The following PCDHGB3 variants were observed in gnomAD, a reference collection of about 807,000 sequenced individuals.
The protein encoded by PCDHGB3 is protocadherin gamma-B3.
Under a neutral mutation model 59.2 loss-of-function variants are expected in PCDHGB3, and 40 were observed. The ratio of observed to expected loss-of-function variants is 0.68; its 90% CI spans 0.52 to 0.88. The LOEUF is 0.88. Among genes scored for constraint, PCDHGB3 ranks in the 40% least tolerant of loss-of-function variants. The pLI, the probability that PCDHGB3 is intolerant of heterozygous loss-of-function variation, is 0.00. For synonymous variants in PCDHGB3, 581 were observed against 503.6 expected (o/e 1.15, Z -2.06); for missense variants, 1,309 against 1,187.9 (o/e 1.10, Z -1.50).
chr5:141,505,468 G>A lies in PCDHGB3; in HGVS notation c.2550G>A (p.Leu850=). 1 of 1,614,212 alleles carries A rather than the reference G, an allele frequency of 6.2e-7. No homozygotes were observed. Among genetic ancestry groups the A allele is most frequent in the Non-Finnish European group, 8.5e-7 (1 of 1,180,020 alleles). The change falls in exon 3 of 4, where the codon TTG becomes TTA. Residue 850 remains leucine (L), a synonymous_variant. Coordinates refer to ENST00000576222, the MANE Select transcript of PCDHGB3 (RefSeq NM_018924.5). The stretch of plus-strand genomic sequence containing the variant: ...CAGAGATGCTGCAAGCCATGATCTT[G>A]GCGTCCGCCAGTGGTAAGTGGTGTC... The part of the protein sequence containing the change: ...FDTEMLQAMI[L]ASASEAADGS...
At chr5:141,413,570 A>C in intron 1 of PCDHGB3, 1 of 1,613,930 alleles carries the variant, frequency 6.2e-7, no homozygotes. Context: ...GATATCAATG[A>C]CAATGCTCCA....
intron 1 of PCDHGB3, among the ~76,000 whole-genome samples, chr5:141,397,268 T>C (rs532503951): frequency 2.0e-5 from 3 of 152,180 alleles, no homozygotes; most frequent in African/African-American, 7.2e-5. Flanking sequence ...CTTAGCTACA[T>C]CATATGGGCA....
Position 141,477,809 on chromosome 5 carries a change from C to A in PCDHGB3, c.2416-16998C>A. 1 of 1,614,146 alleles carries A rather than the reference C, an allele frequency of 6.2e-7. No individual in the cohort carries two copies. Among genetic ancestry groups the A allele is most frequent in the Non-Finnish European group, 8.5e-7 (1 of 1,180,040 alleles). On this transcript the variant is annotated intron_variant, in intron 1 of 3. Coordinates refer to ENST00000576222, the MANE Select transcript of PCDHGB3 (RefSeq NM_018924.5). The surrounding 1 kb of genome is among the most constrained non-coding windows in gnomAD (Gnocchi z 4.9). ...TGTCACTGATCGCAATGACAATGCC[C>A]CCCAGGTCCTATATCCTCGGCCAGG...
At position 141,370,902 on chromosome 5, in the gene PCDHGB3, T is replaced by A; in HGVS notation, c.508T>A (p.Tyr170Asn). The stretch of plus-strand genomic sequence containing the variant: ...TGTAGGTGTCAATTCGCTGCAGCAG[T>A]ACTACCTCAGCCCTGATCCGCACTT... Reference protein sequence around the residue: ...PDVGVNSLQQYYLSPDPHFSL... With the variant: ...PDVGVNSLQQNYLSPDPHFSL... Residue 170 changes from tyrosine to asparagine, a missense_variant, in exon 1 of 4, where the codon TAC (tyrosine) becomes AAC (asparagine). Tyr to Asn is a moderately radical substitution (Grantham distance 143). Coordinates refer to ENST00000576222, the MANE Select transcript of PCDHGB3 (RefSeq NM_018924.5). The A allele has an allele frequency of 6.2e-7, 1 of 1,614,046 alleles. No individual in the cohort carries two copies. Among genetic ancestry groups the A allele is most frequent in the South Asian group, 1.1e-5 (1 of 91,088 alleles).
In PCDHGB3 at chr5:141,489,184, G is replaced by T; in HGVS notation, c.2416-5623G>T. ...TCAGCTGCTGCATTCCAAGCCCTGG[G>T]TCTACCTTGGAGACAGGACAGCACA... On this transcript the variant is annotated intron_variant, in intron 1 of 3. Transcript: ENST00000576222. This position sits in a 1 kb window ranked among gnomAD's most constrained non-coding sequence, Gnocchi z 4.5. 7.8e-7 allele frequency: 1 copy of T among 1,287,330 alleles called. No homozygotes were observed. Among genetic ancestry groups the T allele is most frequent in the Non-Finnish European group, 1.1e-6 (1 of 928,816 alleles). 79.7% of individuals were successfully genotyped at this position (1,287,330 alleles called of 1,614,324 possible).
intron 1 of PCDHGB3, chr5:141,388,233 T>C (rs924261107): frequency 1.2e-6 from 2 of 1,608,114 alleles, no homozygotes; most frequent in South Asian, 1.1e-5. Flanking sequence ...ACTGAACTTT[T>C]ATCACGTGAA....
chr5:141,399,996 C>A (rs753801667), intron 1 of PCDHGB3: 5 of 1,612,402 alleles, frequency 3.1e-6, no homozygotes, highest in Non-Finnish European at 4.2e-6. Flanking sequence ...GAGAGGTGCG[C>A]ACAGCGCGTG....
intron 1 of PCDHGB3, chr5:141,403,365 T>A: frequency 6.2e-7 from 1 of 1,614,024 alleles, no homozygotes; most frequent in Non-Finnish European, 8.5e-7. Context: ...GCCGAAAGTC[T>A]GGAAGTAAAA....
At position 141,399,280 on chromosome 5, in the gene PCDHGB3, G is replaced by A. The variant is rs750453381; in HGVS notation, c.2415+26471G>A. ...GGAGGTTAATTGTCAATTACAAGGCGAAGTCCCTTTTAAGATTATCTCTTC... is the reference window on the plus strand; with the variant it reads ...GGAGGTTAATTGTCAATTACAAGGCAAAGTCCCTTTTAAGATTATCTCTTC... On this transcript the variant is annotated intron_variant, in intron 1 of 3. Coordinates refer to ENST00000576222, the MANE Select transcript of PCDHGB3 (RefSeq NM_018924.5). 20 of 1,613,836 alleles carry A rather than the reference G, an allele frequency of 1.2e-5. No homozygotes were observed. The highest frequency in any genetic ancestry group is 3.3e-4 in the Middle Eastern group (2 of 6,060).
At chr5:141,423,148 C>G (rs2096714622) in intron 1 of PCDHGB3, 1 of 1,613,404 alleles carries the variant, frequency 6.2e-7, no homozygotes, top group African/African-American at 1.3e-5. Flanking sequence ...CGCGCTCAAG[C>G]AGAGCCTCGT....
intron 1 of PCDHGB3, chr5:141,422,139 A>C: frequency 1.9e-6 from 3 of 1,588,154 alleles, no homozygotes; most frequent in Non-Finnish European, 2.6e-6. Context: ...AAGTTCAAGT[A>C]CGGGGGTCTC....
chr5:141,394,001 G>A (rs766773377), intron 1 of PCDHGB3: 4 of 1,613,340 alleles, frequency 2.5e-6, no homozygotes, highest in Admixed American at 1.7e-5. Context: ...AATTAGAAAA[G>A]TCAATAGGTA....
chr5:141,402,965 A>G, intron 1 of PCDHGB3: 2 of 1,606,016 alleles, frequency 1.2e-6, no homozygotes, highest in Non-Finnish European at 1.7e-6. Flanking sequence ...GGCAGCTCCA[A>G]CCAAATGCCA....
Position 141,491,013 on chromosome 5 carries a change from G to C in PCDHGB3, c.2416-3794G>C. ...CTCCTCCTGGCTCCTTGGTCACCAA[G>C]GTGACAGCCGTGGATGCTGATGCAG... On this transcript the variant is annotated intron_variant, in intron 1 of 3. Transcript: ENST00000576222. The surrounding 1 kb of genome is among the most constrained non-coding windows in gnomAD (Gnocchi z 6.9). 6.2e-7 allele frequency: 1 copy of C among 1,614,144 alleles called. No homozygotes were observed. Among genetic ancestry groups the C allele is most frequent in the Non-Finnish European group, 8.5e-7 (1 of 1,180,040 alleles).
chr5:141,386,377 T>G (rs535243472), intron 1 of PCDHGB3, among the ~76,000 whole-genome samples: 33 of 152,286 alleles, frequency 2.2e-4, no homozygotes, highest in African/African-American at 7.9e-4. Flanking sequence ...CTTTGAGTAT[T>G]AATTAAAAAC....
intron 3 of PCDHGB3, among the ~76,000 whole-genome samples, chr5:141,509,320 C>A (rs1261653347): frequency 6.6e-6 from 1 of 152,194 alleles, no homozygotes; most frequent in Non-Finnish European, 1.5e-5. Flanking sequence ...GGGAGAGAAG[C>A]TCTACTGCCA....
intron 1 of PCDHGB3, among the ~76,000 whole-genome samples, chr5:141,407,816 ATAT>A (rs1270765996): frequency 6.6e-6 from 1 of 152,228 alleles, no homozygotes; most frequent in Non-Finnish European, 1.5e-5. Context: ...ATCTACTATA[ATAT>A]TATGGTGAGA....
At chr5:141,478,884 C>A in intron 1 of PCDHGB3, 1 of 1,194,298 alleles carries the variant, frequency 8.4e-7, no homozygotes, top group Non-Finnish European at 1.1e-6. Flanking sequence ...AGCTTGGTAT[C>A]ATTTACATTA....
chr5:141,468,853 G>A (rs893773356), intron 1 of PCDHGB3, among the ~76,000 whole-genome samples: 7 of 151,000 alleles, frequency 4.6e-5, no homozygotes, highest in Admixed American at 6.6e-5. Context: ...GCAACAGAGC[G>A]AGACTCCATC....
Sources: allele counts gnomAD v4.1 joint callset (sites outside exome capture counted in the v4.1 genomes callset), GRCh38; gene constraint gnomAD v4.1.1; non-coding constraint Gnocchi (gnomAD v3.1); transcripts MANE v1.5; gene names NCBI Gene and HGNC (gene_info 2026-07-23, HGNC 2026-07-21).